The following DOCK9 variants were observed in gnomAD, a reference collection of about 807,000 sequenced individuals.
DOCK9 encodes dedicator of cytokinesis 9, also known as dedicator of cytokinesis protein 9.
Under a neutral mutation model 263.3 loss-of-function variants are expected in DOCK9, and 89 were observed. That is an observed-to-expected ratio of 0.34 (90% CI 0.28 to 0.40). The LOEUF (loss-of-function observed/expected upper bound fraction) is 0.40. Ranked by LOEUF, DOCK9 falls within the 10% of genes least tolerant of loss-of-function variation. The pLI is 1.00. For missense variants in DOCK9, 2,140 were observed against 2,603.4 expected, an observed-to-expected ratio of 0.82 and a Z score of 3.87; for synonymous variants, 976 against 973.1, an observed-to-expected ratio of 1.00 and a Z score of -0.06.
intron 15 of DOCK9, among the ~76,000 whole-genome samples, chr13:98,895,745 C>T (rs1311627470): frequency 6.6e-6 from 1 of 151,834 alleles, no homozygotes; most frequent in Non-Finnish European, 1.5e-5. Context: ...TTTTATTCTT[C>T]TGTATTTCTC....
chr13:99,052,100 C>T (rs2040725229), intron 1 of DOCK9, among the ~76,000 whole-genome samples: 1 of 152,214 alleles, frequency 6.6e-6, no homozygotes, highest in African/African-American at 2.4e-5. Flanking sequence ...CTCAGCACGA[C>T]CAATTTTCCC....
At chr13:98,835,524 G>C (rs536334918) in intron 39 of DOCK9, among the ~76,000 whole-genome samples, 1 of 152,256 alleles carries the variant, frequency 6.6e-6, no homozygotes, top group African/African-American at 2.4e-5. Context: ...AACCTGCACA[G>C]AGATCACCTT....
intron 45 of DOCK9, among the ~76,000 whole-genome samples, chr13:98,812,794 C>CA (rs1192741154): frequency 3.4e-3 from 512 of 152,168 alleles, no homozygotes; most frequent in African/African-American, 0.012. Flanking sequence ...CTCATGTGTA[C>CA]TATGAAAGTT....
chr13:99,038,342 T>C (rs1888142053), intron 1 of DOCK9, among the ~76,000 whole-genome samples: 1 of 127,366 alleles, frequency 7.9e-6, no homozygotes, highest in African/African-American at 2.9e-5. Flanking sequence ...CTCACTCCTG[T>C]TGCCCAGGCT....
chr13:98,944,382 G>GAAAAAAAAA (rs59677048), intron 2 of DOCK9, among the ~76,000 whole-genome samples: 1 of 73,170 alleles, frequency 1.4e-5, no homozygotes, highest in Non-Finnish European at 2.6e-5. Flanking sequence ...CACTATATGA[G>GAAAAAAAAA]AAAAAAAAAA....
At chr13:98,846,430 AT>A (rs908791251) in intron 37 of DOCK9, 471 of 820,584 alleles carry the variant, frequency 5.7e-4, no homozygotes, top group Middle Eastern at 9.7e-4. Context: ...AAAGACATGT[AT>A]TTTTTTTAAT....
At chr13:99,075,548 T>TA (rs1038186259) in intron 1 of DOCK9, among the ~76,000 whole-genome samples, 2 of 151,980 alleles carry the variant, frequency 1.3e-5, no homozygotes, top group African/African-American at 2.4e-5. Context: ...TTCTTTTTTT[T>TA]AGAGATGGGT....
At chr13:98,990,692 C>T (rs1023011917) in intron 1 of DOCK9, among the ~76,000 whole-genome samples, 3 of 152,182 alleles carry the variant, frequency 2.0e-5, no homozygotes, top group Admixed American at 2.0e-4. Flanking sequence ...GACAGACAAT[C>T]CCATGGTCAA....
intron 45 of DOCK9, among the ~76,000 whole-genome samples, chr13:98,816,620 G>A (rs138029892): frequency 2.0e-5 from 3 of 152,032 alleles, no homozygotes; most frequent in African/African-American, 4.8e-5. Context: ...GCAGGGAGGC[G>A]GGAAAGAGCA....
intron 37 of DOCK9, chr13:98,847,786 A>G (rs989309818): frequency 4.6e-5 from 7 of 152,244 alleles, no homozygotes; most frequent in African/African-American, 1.7e-4. Context: ...CAACAGTAAA[A>G]AAATATAATA....
chr13:99,047,875 G>A (rs995211629), intron 1 of DOCK9, among the ~76,000 whole-genome samples: 5 of 151,954 alleles, frequency 3.3e-5, no homozygotes, highest in South Asian at 2.1e-4. Flanking sequence ...AAGTGTCCCT[G>A]GATACAAACT....
rs34195275 is a variant in DOCK9, at chr13:98,817,774, T to TAA, written c.5130+6622_5130+6623dup. ...TTATGGGAGAACCTGTTATATTTGC[T>TAA]AAAAAAAAAAAAAAAAAAAAAGATG... On this transcript the variant is annotated intron_variant, in intron 45 of 52. Transcript: ENST00000682017. Among the ~76,000 whole-genome samples the TAA allele has an allele frequency of 9.9e-3, 1,145 of 115,330 alleles. 19 individuals carry two copies. The highest frequency in any genetic ancestry group is 0.035 in the African/African-American group (1,073 of 31,084). The allele number at this position is 115,330 out of a possible 152,430, so 75.7% of individuals were successfully genotyped here. A position where few individuals can be genotyped will look rare whatever the true frequency, so the allele number is the denominator to read the frequency against.
intron 15 of DOCK9, among the ~76,000 whole-genome samples, chr13:98,890,219 T>C (rs567699278): frequency 1.3e-5 from 2 of 152,318 alleles, no homozygotes; most frequent in East Asian, 3.9e-4. Flanking sequence ...AAGTCATTGA[T>C]AAAGATACTG....
chr13:99,007,581 T>C (rs769186135), intron 1 of DOCK9, among the ~76,000 whole-genome samples: 2 of 152,104 alleles, frequency 1.3e-5, no homozygotes, highest in Non-Finnish European at 2.9e-5. Flanking sequence ...AATAGCTATA[T>C]CAACTCTAAA....
intron 18 of DOCK9, among the ~76,000 whole-genome samples, chr13:98,887,487 G>C (rs570412564): frequency 1.3e-5 from 2 of 151,422 alleles, no homozygotes; most frequent in South Asian, 4.2e-4. Flanking sequence ...GTGGTGGCAG[G>C]CTCCTGTAGT....
At chr13:98,832,784 G>C (rs1215898717) in intron 39 of DOCK9, among the ~76,000 whole-genome samples, 1 of 152,220 alleles carries the variant, frequency 6.6e-6, no homozygotes, top group African/African-American at 2.4e-5. Context: ...TTCTGCACAA[G>C]TAGGCAGATT....
At chr13:98,943,633 G>T (rs1471718549) in intron 2 of DOCK9, among the ~76,000 whole-genome samples, 1 of 152,164 alleles carries the variant, frequency 6.6e-6, no homozygotes, top group Non-Finnish European at 1.5e-5. Context: ...CTGGTGCCAA[G>T]ATCTCATATC....
chr13:99,005,591 T>G (rs1295142438), intron 1 of DOCK9, among the ~76,000 whole-genome samples: 2 of 152,198 alleles, frequency 1.3e-5, no homozygotes, highest in Non-Finnish European at 2.9e-5. Context: ...GAATGGATTA[T>G]TCAACATGGG....
intron 26 of DOCK9, 79 bp downstream of exon 26, chr13:98,880,468 A>C (rs1297604198): frequency 6.3e-7 from 1 of 1,586,106 alleles, no homozygotes; most frequent in Non-Finnish European, 8.6e-7. Context: ...AGCACTCAGA[A>C]AGGCTGTATT....
Sources: gnomAD v4.1 joint callset for allele counts (sites outside exome capture counted in the v4.1 genomes callset) on GRCh38, gnomAD v4.1.1 for gene constraint, MANE v1.5 for transcripts, NCBI Gene and HGNC (gene_info 2026-07-23, HGNC 2026-07-21) for gene names.